Variants in MANBA observed in about 807,000 individuals in gnomAD.
The protein encoded by MANBA is beta-mannosidase.
In MANBA, 83 loss-of-function variants were observed where a neutral mutation model predicts 111.1. The ratio of observed to expected loss-of-function variants is 0.75; its 90% confidence interval spans 0.63 to 0.90. The LOEUF is 0.90. Among genes scored for constraint, MANBA ranks in the 40% least tolerant of loss-of-function variants. The pLI, the probability that MANBA is intolerant of heterozygous loss-of-function variation, is 0.00. For synonymous variants in MANBA, 370 were observed against 378.7 expected (o/e 0.98, Z 0.27); for missense variants, 1,036 against 1,069.0 (o/e 0.97, Z 0.43).
At chr4:102,658,580 A>G (rs1490995172) in intron 11 of MANBA, among the ~76,000 whole-genome samples, 1 of 152,206 alleles carries the variant, frequency 6.6e-6, no homozygotes, top group African/African-American at 2.4e-5. Flanking sequence ...ATAAATAGTA[A>G]ATAACTCTCA....
chr4:102,756,851 G>A (rs899533455), intron 1 of MANBA, among the ~76,000 whole-genome samples: 1 of 146,510 alleles, frequency 6.8e-6, no homozygotes, highest in East Asian at 2.0e-4. Flanking sequence ...TTACACCAGT[G>A]AGAAATTCCA....
chr4:102,706,442 C>T (rs1004428264), intron 5 of MANBA, among the ~76,000 whole-genome samples: 3 of 152,142 alleles, frequency 2.0e-5, no homozygotes, highest in Non-Finnish European at 4.4e-5. Flanking sequence ...ACCACAGATA[C>T]ATCTTCAGGA....
Position 102,631,853 on chromosome 4 carries a change from G to A in MANBA, c.*204C>T. ...CAGATTCCAGGACACCCCGGCACAG[G>A]CTTGTTTGAGGACATTGCCTGGGTA... On this transcript the variant is annotated 3_prime_UTR_variant, in exon 17 of 17. Transcript: ENST00000647097. The A allele has an allele frequency of 1.6e-6, 1 of 638,004 alleles. No individual in the cohort carries two copies. The highest frequency in any genetic ancestry group is 1.8e-5 in the South Asian group (1 of 54,636). 39.5% of individuals were successfully genotyped at this position (638,004 alleles called of 1,614,324 possible).
chr4:102,676,801 C>G (rs1371548617), intron 7 of MANBA, among the ~76,000 whole-genome samples: 1 of 152,170 alleles, frequency 6.6e-6, no homozygotes, highest in Non-Finnish European at 1.5e-5. Flanking sequence ...AACATTTGCA[C>G]TGACGTTACA....
rs764950128 is a variant in MANBA, at chr4:102,671,339, C to T, written c.1172G>A (p.Gly391Glu). The change falls in exon 9 of 17, where the codon GGA becomes GAA. Residue 391 changes from glycine (G) to glutamate (E), a missense_variant. Transcript: ENST00000647097. ...TTCATCCTGCTCATAAATTCCTCCT[C>T]CCCAAACCCGAAGAGTATTCATATT... ...DANMNTLRVW[G>E]GGIYEQDEFY... is the part of the protein sequence containing the mutation. The T allele has an allele frequency of 2.5e-6, 4 of 1,609,446 alleles. No homozygotes were observed. The highest frequency in any genetic ancestry group is 1.1e-5 in the South Asian group (1 of 90,990).
At chr4:102,730,274 G>T in intron 1 of MANBA, 1 of 554,162 alleles carries the variant, frequency 1.8e-6, no homozygotes. Flanking sequence ...ACCACATATC[G>T]TCTCATGACC....
chr4:102,632,041 T>C lies in MANBA; in HGVS notation c.*16A>G. 1.3e-6 allele frequency: 2 copies of C among 1,560,962 alleles called. No homozygotes were observed. Among genetic ancestry groups the C allele is most frequent in the Non-Finnish European group, 1.8e-6 (2 of 1,133,394 alleles). On this transcript the variant is annotated 3_prime_UTR_variant, in exon 17 of 17. Transcript: ENST00000647097. Reference sequence around the variant, plus strand: ...CTTTATTCCCATTGTCCACTGAAAATACAACCTAGATTCCTTCAGTAAATA... The same window carrying C: ...CTTTATTCCCATTGTCCACTGAAAACACAACCTAGATTCCTTCAGTAAATA...
chr4:102,702,492 C>CCCA (rs1733105295), intron 5 of MANBA, among the ~76,000 whole-genome samples: 1 of 151,986 alleles, frequency 6.6e-6, no homozygotes, highest in Non-Finnish European at 1.5e-5. Flanking sequence ...GCGGTTTTAT[C>CCCA]TACTTTTGGT....
chr4:102,641,992 A>G (rs1729898122), intron 13 of MANBA, among the ~76,000 whole-genome samples: 1 of 151,830 alleles, frequency 6.6e-6, no homozygotes, highest in African/African-American at 2.4e-5. Flanking sequence ...CACTCCACAC[A>G]CAGATGGTAC....
intron 6 of MANBA, 48 bp downstream of exon 6, chr4:102,690,548 C>T (rs1390391637): frequency 6.5e-7 from 1 of 1,549,888 alleles, no homozygotes; most frequent in Non-Finnish European, 8.9e-7. Context: ...TTCTTTAGCA[C>T]AGGTATTGCT....
chr4:102,643,971 C>T (rs918101988), intron 13 of MANBA, among the ~76,000 whole-genome samples: 4 of 152,112 alleles, frequency 2.6e-5, no homozygotes, highest in South Asian at 2.1e-4. Flanking sequence ...AAACTGTTGC[C>T]TAACCAAAAG....
At chr4:102,727,880 G>A in intron 1 of MANBA, 1 of 552,950 alleles carries the variant, frequency 1.8e-6, no homozygotes, top group Non-Finnish European at 3.3e-6. Context: ...CCCTTGTGAA[G>A]GGGCATTTAT....
intron 1 of MANBA, among the ~76,000 whole-genome samples, chr4:102,731,156 G>C (rs1187637423): frequency 6.6e-6 from 1 of 151,494 alleles, no homozygotes; most frequent in Non-Finnish European, 1.5e-5. Context: ...GCACCCTTCT[G>C]CAGAAGTAAA....
At chr4:102,690,124 G>A (rs973205452) in intron 6 of MANBA, among the ~76,000 whole-genome samples, 4 of 151,572 alleles carry the variant, frequency 2.6e-5, no homozygotes, top group African/African-American at 2.4e-5. Context: ...ATCAATTAGA[G>A]GAATAGAAAA....
At chr4:102,750,780 G>A (rs1038586881) in intron 1 of MANBA, among the ~76,000 whole-genome samples, 1 of 152,088 alleles carries the variant, frequency 6.6e-6, no homozygotes, top group Admixed American at 6.6e-5. Context: ...GGGTATGGTG[G>A]TGTGTACCTG....
chr4:102,696,374 AG>A (rs1413354541), intron 5 of MANBA, among the ~76,000 whole-genome samples: 4 of 152,328 alleles, frequency 2.6e-5, no homozygotes, highest in Admixed American at 6.5e-5. Flanking sequence ...GCACTAAAAT[AG>A]TTATGTGAGC....
intron 9 of MANBA, 164 bp downstream of exon 9, chr4:102,671,117 A>G: frequency 1.8e-6 from 1 of 561,366 alleles, no homozygotes. Context: ...ATGGTAGTTG[A>G]TCACCTATGG....
rs564205561 is a variant in MANBA, at chr4:102,756,587, C to A, written c.177+4131G>T. 6.4e-4 allele frequency among the ~76,000 whole-genome samples: 97 copies of A among 151,756 alleles called. No homozygotes were observed. In the South Asian group the frequency reaches 0.014, roughly 21 times the overall value. On this transcript the variant is annotated intron_variant, in intron 1 of 16. Coordinates refer to ENST00000647097, the MANE Select transcript of MANBA (RefSeq NM_005908.4). ...GGCACATGTATACATATGTAACAAA[C>A]CTGCACGTTGTGCACATGTACCCTA...
At chr4:102,722,435 T>C (rs1386804852) in intron 4 of MANBA, 1 of 194,602 alleles carries the variant, frequency 5.1e-6, no homozygotes, top group Non-Finnish European at 1.1e-5. Flanking sequence ...TGGACTTTGT[T>C]ATCTTTTTGT....
Sources: allele counts gnomAD v4.1 joint callset (sites outside exome capture counted in the v4.1 genomes callset), GRCh38; gene constraint gnomAD v4.1.1; transcripts MANE v1.5; gene names NCBI Gene and HGNC (gene_info 2026-07-23, HGNC 2026-07-21).